The following ADAMTS16 variants were observed in gnomAD, a reference collection of about 807,000 sequenced individuals.
ADAMTS16 encodes the protein ADAM metallopeptidase with thrombospondin type 1 motif 16, also known as A disintegrin and metalloproteinase with thrombospondin motifs 16.
In ADAMTS16, 94 loss-of-function variants were observed where a neutral mutation model predicts 145.8. The observed-to-expected ratio is 0.64, with a 90% CI of 0.55 to 0.77. The LOEUF is 0.77. Among genes scored for constraint, ADAMTS16 ranks in the 30% least tolerant of loss-of-function variants. ADAMTS16 has a pLI of 0.00. For missense variants in ADAMTS16, 1,585 were observed against 1,591.5 expected (o/e 1.00, Z 0.07); for synonymous variants, 659 against 604.3 (o/e 1.09, Z -1.33).
At chr5:5,207,444 T>C (rs1284290320) in intron 9 of ADAMTS16, among the ~76,000 whole-genome samples, 2 of 152,230 alleles carry the variant, frequency 1.3e-5, no homozygotes, top group Non-Finnish European at 2.9e-5. Flanking sequence ...TGGTGGATTC[T>C]TTCAAATTTC....
chr5:5,316,318 T>A lies in ADAMTS16; in HGVS notation c.3412-1816T>A, dbSNP rs2126538824. Among the ~76,000 whole-genome samples, 2 of 152,332 alleles carry A rather than the reference T, an allele frequency of 1.3e-5. 1 individual carries two copies. Among genetic ancestry groups the A allele is most frequent in the South Asian group, 4.1e-4 (2 of 4,830 alleles). On this transcript the variant is annotated intron_variant, in intron 21 of 22. Coordinates refer to ENST00000274181, the MANE Select transcript of ADAMTS16 (RefSeq NM_139056.4). ...TTAAAGCAACAGTTTTGTTGTTTTT[T>A]TCACCCACCATGCACCAGGACTTCC...
chr5:5,173,640 A>C (rs1051755341), intron 3 of ADAMTS16, among the ~76,000 whole-genome samples: 8 of 151,552 alleles, frequency 5.3e-5, no homozygotes, highest in Non-Finnish European at 1.0e-4. Flanking sequence ...CGCCCAGCTA[A>C]TTTTTTGTAT....
At chr5:5,149,093 G>A (rs1390652072) in intron 3 of ADAMTS16, among the ~76,000 whole-genome samples, 2 of 152,150 alleles carry the variant, frequency 1.3e-5, no homozygotes, top group African/African-American at 4.8e-5. Context: ...ACCTATAAAT[G>A]TTAAGAGCTT....
intron 3 of ADAMTS16, among the ~76,000 whole-genome samples, chr5:5,171,845 G>T (rs1474008932): frequency 6.6e-6 from 1 of 152,124 alleles, no homozygotes; most frequent in East Asian, 1.9e-4. Flanking sequence ...GAGTAGGAGT[G>T]TATTAATTCT....
chr5:5,187,231 A>G (rs1328091141), intron 5 of ADAMTS16, among the ~76,000 whole-genome samples: 1 of 152,200 alleles, frequency 6.6e-6, no homozygotes, highest in African/African-American at 2.4e-5. Flanking sequence ...TCCCCACCCC[A>G]AATGCCACTG....
At chr5:5,216,362 T>C (rs540103123) in intron 10 of ADAMTS16, among the ~76,000 whole-genome samples, 1 of 149,978 alleles carries the variant, frequency 6.7e-6, no homozygotes, top group Admixed American at 6.6e-5. Flanking sequence ...TGTCTATTCA[T>C]GTCCTTAGCC....
chr5:5,169,194 A>G (rs532210985), intron 3 of ADAMTS16, among the ~76,000 whole-genome samples: 1 of 152,306 alleles, frequency 6.6e-6, no homozygotes, highest in African/African-American at 2.4e-5. Context: ...CATAGATGAC[A>G]GGCTCAGTAA....
At chr5:5,240,368 C>A (rs1056871590) in intron 16 of ADAMTS16, among the ~76,000 whole-genome samples, 2 of 152,172 alleles carry the variant, frequency 1.3e-5, no homozygotes, top group Admixed American at 6.5e-5. Flanking sequence ...TTGACCTTGG[C>A]GGGCCACAGC....
chr5:5,309,395 A>C (rs1471433274), intron 21 of ADAMTS16, among the ~76,000 whole-genome samples: 1 of 152,144 alleles, frequency 6.6e-6, no homozygotes, highest in East Asian at 1.9e-4. Context: ...AGGGATGTGC[A>C]ACCCACAGAT....
intron 11 of ADAMTS16, among the ~76,000 whole-genome samples, chr5:5,227,520 TGTGTGTGTGTG>T (rs1579324928): frequency 3.2e-5 from 2 of 62,278 alleles, no homozygotes; most frequent in East Asian, 2.5e-4. Flanking sequence ...TGTGTGTGTG[TGTGTGTGTGTG>T]TGTGTGTGTG....
intron 9 of ADAMTS16, among the ~76,000 whole-genome samples, chr5:5,200,783 A>G (rs1028478947): frequency 2.0e-5 from 3 of 151,698 alleles, no homozygotes; most frequent in Non-Finnish European, 2.9e-5. Flanking sequence ...AAACTTGAGT[A>G]TATAAACTTT....
chr5:5,269,723 C>T lies in ADAMTS16; in HGVS notation c.2789+6940C>T, dbSNP rs1738393136. ...GTTCCTGTTGTTTTTCTGGCTGGGTCTCCTCTGCCTCCACCTCTCTACGCT... is the reference window on the plus strand; with the variant it reads ...GTTCCTGTTGTTTTTCTGGCTGGGTTTCCTCTGCCTCCACCTCTCTACGCT... On this transcript the variant is annotated intron_variant, in intron 18 of 22. Transcript: ENST00000274181. This position sits in a 1 kb window ranked among gnomAD's most constrained non-coding sequence, Gnocchi z 4.3. 6.6e-6 allele frequency among the ~76,000 whole-genome samples: 1 copy of T among 152,170 alleles called. No homozygotes were observed. Among genetic ancestry groups the T allele is most frequent in the Non-Finnish European group, 1.5e-5 (1 of 68,038 alleles).
At chr5:5,287,683 T>G (rs1013126571) in intron 18 of ADAMTS16, among the ~76,000 whole-genome samples, 2 of 152,220 alleles carry the variant, frequency 1.3e-5, no homozygotes, top group Non-Finnish European at 2.9e-5. Context: ...TCACGGACGG[T>G]GTCAGCTTGC....
chr5:5,309,443 C>A lies in ADAMTS16; in HGVS notation c.3411+2715C>A, dbSNP rs192812161. 4.4e-4 allele frequency among the ~76,000 whole-genome samples: 67 copies of A among 152,210 alleles called. No individual in the cohort carries two copies. The East Asian group carries it at 0.013, about 29-fold the overall frequency. ...CTGTCTTTGATATACCATATATATGCCAGCCATGCGCCTAACCCATAGTAA... is the reference window on the plus strand; with the variant it reads ...CTGTCTTTGATATACCATATATATGACAGCCATGCGCCTAACCCATAGTAA... On this transcript the variant is annotated intron_variant, in intron 21 of 22. Transcript: ENST00000274181.
At chr5:5,158,337 T>G (rs908114605) in intron 3 of ADAMTS16, among the ~76,000 whole-genome samples, 3 of 152,022 alleles carry the variant, frequency 2.0e-5, no homozygotes, top group African/African-American at 7.2e-5. Context: ...GGAAGATGGG[T>G]GCATGGTTGG....
rs1458320872 is a variant in ADAMTS16, at chr5:5,205,136, A to C, written c.1452-3957A>C. ...TGGTGAGAGTATTGTATACATTCTGAGTATAAACATTTTGTCCCATTCTGG... is the reference window on the plus strand; with the variant it reads ...TGGTGAGAGTATTGTATACATTCTGCGTATAAACATTTTGTCCCATTCTGG... On this transcript the variant is annotated intron_variant, in intron 9 of 22. Coordinates refer to ENST00000274181, the MANE Select transcript of ADAMTS16 (RefSeq NM_139056.4). 3.3e-5 allele frequency among the ~76,000 whole-genome samples: 5 copies of C among 151,982 alleles called. No homozygotes were observed. In the East Asian group the frequency reaches 9.6e-4, roughly 29 times the overall value.
At chr5:5,314,979 TTGTA>T (rs1579422073) in intron 21 of ADAMTS16, among the ~76,000 whole-genome samples, 2 of 152,184 alleles carry the variant, frequency 1.3e-5, no homozygotes, top group African/African-American at 4.8e-5. Context: ...AGGTGGGCGA[TTGTA>T]TTAGCCCATT....
rs372920104 is a variant in ADAMTS16, at chr5:5,189,994, C to A, written c.1071C>A (p.His357Gln). ...AGCCAGGACTGGTGATAAGTCACCA[C>A]GCAGACCACACCTTAAGTAGCTTCT... ...DEQPGLVISHHADHTLSSFCQ... is the reference protein window; with the variant it reads ...DEQPGLVISHQADHTLSSFCQ... Residue 357 changes from histidine to glutamine, a missense_variant, in exon 7 of 23, where the codon CAC becomes CAA. Around this residue, in one of 3 missense-constraint regions of ADAMTS16, gnomAD observed 298 missense variants for 367.6 expected, o/e 0.81. Coordinates refer to ENST00000274181, the MANE Select transcript of ADAMTS16 (RefSeq NM_139056.4). The A allele has an allele frequency of 1.2e-6, 2 of 1,611,056 alleles. No individual in the cohort carries two copies. The highest frequency in any genetic ancestry group is 1.3e-5 in the African/African-American group (1 of 74,764).
At chr5:5,254,523 A>C (rs187952009) in intron 17 of ADAMTS16, among the ~76,000 whole-genome samples, 44 of 152,308 alleles carry the variant, frequency 2.9e-4, no homozygotes, top group African/African-American at 1.1e-3. Context: ...ACACATAAAC[A>C]CACAAACTCA....
Sources: gnomAD v4.1 joint callset for allele counts (sites outside exome capture counted in the v4.1 genomes callset) on GRCh38, gnomAD v4.1.1 for gene constraint, gnomAD v4.1.1 regional missense constraint, Gnocchi (gnomAD v3.1) non-coding constraint, MANE v1.5 for transcripts, NCBI Gene and HGNC (gene_info 2026-07-23, HGNC 2026-07-21) for gene names.